Variants in HERC4 observed in about 807,000 individuals in gnomAD.
HERC4 encodes probable E3 ubiquitin-protein ligase HERC4.
HERC4 carries 28 observed loss-of-function variants against 124.3 expected under a neutral mutation model. That is an observed-to-expected ratio of 0.23 (90% CI 0.17 to 0.31). HERC4 has a LOEUF of 0.31. Among genes scored for constraint, HERC4 ranks in the 10% least tolerant of loss-of-function variants. The pLI is 1.00. For missense variants in HERC4, 713 were observed against 1,229.3 expected (o/e 0.58, Z 6.28); for synonymous variants, 407 against 421.5 (o/e 0.97, Z 0.42).
chr10:68,011,184 C>A (rs1005225864), intron 9 of HERC4, among the ~76,000 whole-genome samples: 3 of 152,144 alleles, frequency 2.0e-5, no homozygotes, highest in African/African-American at 7.2e-5. Context: ...TTGCCTAAAC[C>A]TCCCAAGTAG....
chr10:67,945,965 A>T (rs1002272436), intron 19 of HERC4, among the ~76,000 whole-genome samples: 2 of 152,154 alleles, frequency 1.3e-5, no homozygotes, highest in Non-Finnish European at 2.9e-5. Context: ...GAACACATTT[A>T]AAAATGGCAG....
chr10:68,032,287 A>G (rs899765460), intron 7 of HERC4, among the ~76,000 whole-genome samples: 1 of 152,194 alleles, frequency 6.6e-6, no homozygotes, highest in African/African-American at 2.4e-5. Flanking sequence ...TCAGAGTTAA[A>G]GCCATTGATA....
chr10:68,072,744 A>G, intron 3 of HERC4, 139 bp downstream of exon 3: 1 of 588,208 alleles, frequency 1.7e-6, no homozygotes, highest in Non-Finnish European at 2.9e-6. Context: ...ATATACACAT[A>G]TAATGGAAAT....
At chr10:68,011,248 C>T (rs2037937041) in intron 9 of HERC4, among the ~76,000 whole-genome samples, 1 of 152,174 alleles carries the variant, frequency 6.6e-6, no homozygotes, top group Non-Finnish European at 1.5e-5. Context: ...GACAGTGTCT[C>T]ACTACATTGC....
intron 16 of HERC4, 21 bp from the exon 17 acceptor site, chr10:67,956,997 T>A: frequency 7.1e-7 from 1 of 1,414,322 alleles, no homozygotes; most frequent in South Asian, 1.3e-5. Context: ...AAAATTAACT[T>A]ATTAGTACAA....
chr10:67,940,699 T>A (rs931805463), intron 20 of HERC4, among the ~76,000 whole-genome samples: 1 of 152,060 alleles, frequency 6.6e-6, no homozygotes, highest in African/African-American at 2.4e-5. Context: ...CCTGCCTCGG[T>A]CTCCCAAAAT....
At chr10:68,038,344 G>C in intron 4 of HERC4, 175 bp from the exon 5 acceptor site, 2 of 375,542 alleles carry the variant, frequency 5.3e-6, no homozygotes, top group Non-Finnish European at 4.6e-6. Flanking sequence ...GTAAACAAGA[G>C]CTAGATACAA....
intron 22 of HERC4, among the ~76,000 whole-genome samples, chr10:67,935,580 T>C (rs2032286276): frequency 6.6e-6 from 1 of 152,226 alleles, no homozygotes; most frequent in Admixed American, 6.5e-5. Flanking sequence ...CCTGTGGCAG[T>C]GTCCAGGTGT....
intron 9 of HERC4, among the ~76,000 whole-genome samples, chr10:67,995,611 G>T (rs190623613): frequency 6.7e-6 from 1 of 149,102 alleles, no homozygotes; most frequent in Non-Finnish European, 1.5e-5. Context: ...TAGATATTCA[G>T]GATATTAACC....
chr10:68,001,452 G>T (rs1456758198), intron 9 of HERC4, among the ~76,000 whole-genome samples: 1 of 152,076 alleles, frequency 6.6e-6, no homozygotes, highest in Non-Finnish European at 1.5e-5. Context: ...AATTCATGCT[G>T]GGGGCCATGG....
intron 7 of HERC4, among the ~76,000 whole-genome samples, chr10:68,029,883 C>T (rs762659992): frequency 4.6e-5 from 7 of 151,016 alleles, no homozygotes; most frequent in Admixed American, 2.0e-4. Flanking sequence ...GGATTACAGG[C>T]GCCTGCCACC....
intron 9 of HERC4, among the ~76,000 whole-genome samples, chr10:67,999,002 A>T (rs1440495233): frequency 1.3e-5 from 2 of 152,168 alleles, no homozygotes; most frequent in African/African-American, 4.8e-5. Flanking sequence ...AAATGCTGGG[A>T]TTACAGGCAT....
intron 9 of HERC4, among the ~76,000 whole-genome samples, chr10:68,009,270 C>A (rs1056115246): frequency 1.3e-5 from 2 of 151,386 alleles, no homozygotes; most frequent in Non-Finnish European, 2.9e-5. Context: ...AGTCCATTGA[C>A]AAGAGTTGGT....
chr10:67,927,412 ATATATATATATATATATATT>A (rs1470828279), intron 23 of HERC4, among the ~76,000 whole-genome samples: 216 of 9,036 alleles, frequency 0.024, 12 homozygotes, highest in African/African-American at 0.069. Flanking sequence ...ATATATATAT[ATATATATATATATATATATT>A]TTTTTTTTTT....
In HERC4 at chr10:68,059,645, T is replaced by C. The variant is rs532190525; in HGVS notation, c.226+13238A>G. The stretch of plus-strand genomic sequence containing the variant: ...TATTATATATCATAATATTATATAT[T>C]ATATTATATATCATATTATATATTA... On this transcript the variant is annotated intron_variant, in intron 3 of 24. Coordinates refer to ENST00000373700, the MANE Select transcript of HERC4 (RefSeq NM_015601.4). Among the ~76,000 whole-genome samples the C allele has an allele frequency of 1.0e-3, 70 of 69,978 alleles. 7 individuals are homozygous for C. Among genetic ancestry groups the C allele is most frequent in the African/African-American group, 2.7e-3 (25 of 9,186 alleles). 45.9% of individuals were successfully genotyped at this position (69,978 alleles called of 152,430 possible).
intron 3 of HERC4, among the ~76,000 whole-genome samples, chr10:68,060,263 C>T (rs545630701): frequency 6.6e-6 from 1 of 151,980 alleles, no homozygotes; most frequent in Non-Finnish European, 1.5e-5. Context: ...TGCTGTGTCA[C>T]CCAGACTGGA....
chr10:67,970,662 A>G (rs2035180062), intron 15 of HERC4, among the ~76,000 whole-genome samples: 1 of 152,080 alleles, frequency 6.6e-6, no homozygotes, highest in Non-Finnish European at 1.5e-5. Flanking sequence ...CAACAGAGTC[A>G]GATTCAGAGA....
chr10:67,943,282 C>T (rs534884230), intron 19 of HERC4, among the ~76,000 whole-genome samples: 2 of 152,236 alleles, frequency 1.3e-5, no homozygotes, highest in South Asian at 4.1e-4. Flanking sequence ...TTTCCCCCTC[C>T]TAAAACCCTC....
At chr10:67,993,439 A>T (rs546605513) in intron 9 of HERC4, 1 of 152,140 alleles carries the variant, frequency 6.6e-6, no homozygotes, top group Non-Finnish European at 1.5e-5. Flanking sequence ...GGATGGCGTG[A>T]GCCCAGTTCA....
Sources: gnomAD v4.1 joint callset for allele counts (sites outside exome capture counted in the v4.1 genomes callset) on GRCh38, gnomAD v4.1.1 for gene constraint, MANE v1.5 for transcripts, NCBI Gene and HGNC (gene_info 2026-07-23, HGNC 2026-07-21) for gene names.